The following POT1 variants were observed in gnomAD, a reference collection of about 807,000 sequenced individuals.
POT1 encodes protection of telomeres protein 1.
A neutral mutation model predicts 78.5 loss-of-function variants in POT1; 47 were observed. That is an observed-to-expected ratio of 0.60 (90% CI 0.47 to 0.76). The LOEUF is 0.76. Among genes scored for constraint, POT1 ranks in the 30% least tolerant of loss-of-function variants. POT1 has a pLI of 0.00. For missense variants in POT1, 646 were observed against 749.9 expected (o/e 0.86, Z 1.62); for synonymous variants, 259 against 260.7 (o/e 0.99, Z 0.06).
chr7:124,886,952 T>C (rs1173337794), intron 6 of POT1, among the ~76,000 whole-genome samples: 1 of 152,162 alleles, frequency 6.6e-6, no homozygotes, highest in Admixed American at 6.6e-5. Context: ...AAAAACTTTT[T>C]AAATTATATC....
In POT1 at chr7:124,901,816, T is replaced by C. The variant is rs143407563; in HGVS notation, c.-153-3442A>G. Among the ~76,000 whole-genome samples, 125 of 151,348 alleles carry C rather than the reference T, an allele frequency of 8.3e-4. 1 individual carries two copies. Among genetic ancestry groups the C allele is most frequent in the African/African-American group, 2.8e-3 (115 of 41,376 alleles). On this transcript the variant is annotated intron_variant, in intron 3 of 18. Coordinates refer to ENST00000357628, the MANE Select transcript of POT1 (RefSeq NM_015450.3). Reference sequence around the variant, plus strand: ...TAGACGAATGGCTAACTAGAATAAATAGAGAAGACCTTAAATGACCTGATG... The same window carrying C: ...TAGACGAATGGCTAACTAGAATAAACAGAGAAGACCTTAAATGACCTGATG...
intron 15 of POT1, among the ~76,000 whole-genome samples, chr7:124,832,766 G>C (rs1794798801): frequency 6.7e-6 from 1 of 149,538 alleles, no homozygotes; most frequent in Non-Finnish European, 1.5e-5. Context: ...AGGTTGCAGT[G>C]AGCTGAGATC....
At chr7:124,869,772 G>A (rs886958535) in intron 7 of POT1, among the ~76,000 whole-genome samples, 32 of 152,102 alleles carry the variant, frequency 2.1e-4, no homozygotes, top group African/African-American at 7.7e-4. Flanking sequence ...GTAGAGACAG[G>A]GTTTCTCCAT....
intron 12 of POT1, among the ~76,000 whole-genome samples, chr7:124,844,412 A>T (rs1472346012): frequency 4.2e-5 from 6 of 143,670 alleles, no homozygotes; most frequent in Non-Finnish European, 9.1e-5. Context: ...TACGGGCGTG[A>T]GCCACTGCAC....
At chr7:124,847,114 C>A in intron 11 of POT1, 116 bp from the exon 12 acceptor site, 1 of 651,126 alleles carries the variant, frequency 1.5e-6, no homozygotes, top group South Asian at 1.9e-5. Context: ...GTGAGATATG[C>A]CACATTCATG....
chr7:124,911,612 G>T (rs1796891576), intron 3 of POT1, among the ~76,000 whole-genome samples: 1 of 152,094 alleles, frequency 6.6e-6, no homozygotes, highest in Non-Finnish European at 1.5e-5. Context: ...CCGCTGATTA[G>T]TAACAGCATT....
At chr7:124,904,624 T>C (rs191565741) in intron 3 of POT1, among the ~76,000 whole-genome samples, 40 of 149,148 alleles carry the variant, frequency 2.7e-4, no homozygotes, top group African/African-American at 9.2e-4. Context: ...CCAGTCAACA[T>C]AGTGTTGGAA....
chr7:124,900,243 G>C (rs753132286), intron 3 of POT1, among the ~76,000 whole-genome samples: 16 of 152,024 alleles, frequency 1.1e-4, no homozygotes, highest in Non-Finnish European at 2.2e-4. Context: ...CATAAGTATA[G>C]TGCTTTTCCA....
At chr7:124,862,175 T>C (rs1795613927) in intron 8 of POT1, among the ~76,000 whole-genome samples, 1 of 152,172 alleles carries the variant, frequency 6.6e-6, no homozygotes, top group African/African-American at 2.4e-5. Flanking sequence ...TCTGTTACAA[T>C]GGGATGCAGG....
rs1462868950 is a variant in POT1 at position 124,825,253 on chromosome 7, A to G, written c.1791T>C (p.Ile597=). 1.9e-6 allele frequency: 3 copies of G among 1,599,336 alleles called. No homozygotes were observed. The highest frequency in any genetic ancestry group is 4.5e-5 in the East Asian group (2 of 44,556). Residue 597 remains isoleucine, a splice_region_variant and synonymous_variant, in exon 18 of 19, where the codon ATT becomes ATC. Coordinates refer to ENST00000357628, the MANE Select transcript of POT1 (RefSeq NM_015450.3). ...MDMFCPPGIK[I]DAYPWLECFI... ...GATTGTTAAAATATTCTTGCCTACC[A>G]ATTTTTATTCCTGGAGGACAAAACA...
intron 7 of POT1, among the ~76,000 whole-genome samples, chr7:124,865,888 T>C (rs931747688): frequency 1.3e-5 from 2 of 152,050 alleles, no homozygotes; most frequent in African/African-American, 2.4e-5. Context: ...AAGACAACAT[T>C]TGGGCTACCA....
chr7:124,861,513 T>C (rs923319911), intron 8 of POT1, among the ~76,000 whole-genome samples: 7 of 147,724 alleles, frequency 4.7e-5, no homozygotes, highest in African/African-American at 1.8e-4. Flanking sequence ...CTTTGTCAGA[T>C]GGACAGATTG....
intron 6 of POT1, among the ~76,000 whole-genome samples, chr7:124,883,372 G>A (rs995758046): frequency 6.6e-6 from 1 of 152,016 alleles, no homozygotes; most frequent in African/African-American, 2.4e-5. Context: ...TAATTGTATT[G>A]TAATTATTCA....
Position 124,851,928 on chromosome 7 carries a change from G to A in POT1, c.893C>T (p.Thr298Ile). The A allele has an allele frequency of 6.2e-7, 1 of 1,610,656 alleles. No individual in the cohort carries two copies. Among genetic ancestry groups the A allele is most frequent in the Non-Finnish European group, 8.5e-7 (1 of 1,177,256 alleles). Reference protein sequence around the residue: ...LKKDLESANLTANQHSDVICQ... With the variant: ...LKKDLESANLIANQHSDVICQ... ...GATAACATCTGAATGCTGATTGGCT[G>A]TCAAATTTGCAGATTCTAAATCCCT... The change falls in exon 11 of 19, where the codon ACA becomes ATA. Residue 298 changes from threonine (T) to isoleucine (I), a missense_variant. By Grantham distance (89) the Thr-to-Ile change is moderately conservative. Coordinates refer to ENST00000357628, the MANE Select transcript of POT1 (RefSeq NM_015450.3).
chr7:124,908,161 C>T (rs1279003536), intron 3 of POT1, among the ~76,000 whole-genome samples: 1 of 151,956 alleles, frequency 6.6e-6, no homozygotes, highest in Non-Finnish European at 1.5e-5. Flanking sequence ...CCTATATTGA[C>T]CTTACAAATC....
intron 11 of POT1, among the ~76,000 whole-genome samples, chr7:124,849,155 G>T (rs1391394973): frequency 6.6e-6 from 1 of 152,106 alleles, no homozygotes; most frequent in Non-Finnish European, 1.5e-5. Flanking sequence ...GACTTGAATG[G>T]ACATCTCAAG....
chr7:124,890,237 T>G (rs781481881), intron 6 of POT1, among the ~76,000 whole-genome samples: 1 of 151,866 alleles, frequency 6.6e-6, no homozygotes, highest in Non-Finnish European at 1.5e-5. Context: ...GTAAGAAAAC[T>G]AGAATTATAA....
At chr7:124,929,160 C>A (rs755045258) in intron 1 of POT1, among the ~76,000 whole-genome samples, 161 bp from the exon 2 acceptor site, 2 of 152,218 alleles carry the variant, frequency 1.3e-5, no homozygotes, top group African/African-American at 4.8e-5. Flanking sequence ...AAGATCAATA[C>A]AAAACATTCT....
intron 6 of POT1, among the ~76,000 whole-genome samples, chr7:124,885,071 T>C (rs559120620): frequency 1.6e-3 from 238 of 152,256 alleles, no homozygotes; most frequent in Admixed American, 2.8e-3. Context: ...GAGAAAATTA[T>C]TGCTATAAAA....
Sources: allele counts gnomAD v4.1 joint callset (sites outside exome capture counted in the v4.1 genomes callset), GRCh38; gene constraint gnomAD v4.1.1; transcripts MANE v1.5; gene names NCBI Gene and HGNC (gene_info 2026-07-23, HGNC 2026-07-21).